Variants in WDPCP observed in about 807,000 individuals in gnomAD.
WDPCP encodes WD repeat-containing and planar cell polarity effector protein fritz homolog.
WDPCP carries 71 observed loss-of-function variants against 93.1 expected under a neutral mutation model. That is an observed-to-expected ratio of 0.76 (90% CI 0.63 to 0.93). The LOEUF is 0.93. Ranked by LOEUF, WDPCP falls within the 40% of genes least tolerant of loss-of-function variation. WDPCP has a pLI of 0.00. For missense variants in WDPCP, 844 were observed against 887.4 expected, an observed-to-expected ratio of 0.95 and a Z score of 0.62; for synonymous variants, 315 against 315.0, an observed-to-expected ratio of 1.00 and a Z score of 0.00.
At chr2:63,552,273 CTCTTT>C (rs1397990794) in intron 1 of WDPCP, among the ~76,000 whole-genome samples, 3 of 151,038 alleles carry the variant, frequency 2.0e-5, no homozygotes, top group South Asian at 4.2e-4. Context: ...TCTATTCTTT[CTCTTT>C]TATGTTGTTT....
At chr2:63,327,122 G>A (rs971151409) in intron 12 of WDPCP, among the ~76,000 whole-genome samples, 17 of 152,166 alleles carry the variant, frequency 1.1e-4, no homozygotes, top group African/African-American at 4.8e-5. Flanking sequence ...ACAATAGATG[G>A]TTCCTCCCAG....
chr2:63,585,587 A>T (rs948729738), intron 1 of WDPCP, among the ~76,000 whole-genome samples: 2 of 152,138 alleles, frequency 1.3e-5, no homozygotes, highest in African/African-American at 4.8e-5. Context: ...GGTAAAGTAC[A>T]TATTTCTAAA....
intron 10 of WDPCP, among the ~76,000 whole-genome samples, chr2:63,399,578 TGA>T (rs3835750): frequency 2.1e-4 from 23 of 108,582 alleles, no homozygotes; most frequent in Non-Finnish European, 2.7e-4. Flanking sequence ...AAGGAGAGAT[TGA>T]GAGAGAGAGA....
intron 2 of WDPCP, among the ~76,000 whole-genome samples, chr2:63,653,889 A>G (rs1007242417): frequency 3.4e-5 from 5 of 146,886 alleles, no homozygotes; most frequent in Non-Finnish European, 7.4e-5. Context: ...CAGCCTGTGC[A>G]ACAGAGCAAG....
At chr2:63,595,816 C>A (rs572967207) in intron 3 of WDPCP, among the ~76,000 whole-genome samples, 1 of 151,926 alleles carries the variant, frequency 6.6e-6, no homozygotes, top group Non-Finnish European at 1.5e-5. Flanking sequence ...AAATTGTCTA[C>A]ACACACACAC....
Position 63,345,438 on chromosome 2 carries a change from C to T in WDPCP, c.1749-32127G>A, listed in dbSNP as rs188912644. Among the ~76,000 whole-genome samples the T allele has an allele frequency of 1.4e-4, 21 of 152,272 alleles. No individual in the cohort carries two copies. In the East Asian group the frequency reaches 4.1e-3, roughly 29 times the overall value. ...TGGCAGGACACAGATAGGCAAGTCT[C>T]ACTAAGTCAGTGGAATTTGCTGATT... On this transcript the variant is annotated intron_variant, in intron 12 of 17. Transcript: ENST00000272321.
At chr2:63,344,897 C>A (rs1007528783) in intron 12 of WDPCP, among the ~76,000 whole-genome samples, 2 of 152,180 alleles carry the variant, frequency 1.3e-5, no homozygotes, top group Non-Finnish European at 2.9e-5. Context: ...ACACTGGGAA[C>A]TGGGGGTGAT....
At chr2:63,423,900 G>C (rs1696053877) in intron 9 of WDPCP, among the ~76,000 whole-genome samples, 1 of 152,158 alleles carries the variant, frequency 6.6e-6, no homozygotes. Context: ...ACCACTGAGA[G>C]AGACGAAAAT....
chr2:63,296,290 T>A (rs1016512758), intron 13 of WDPCP, among the ~76,000 whole-genome samples: 15 of 150,102 alleles, frequency 1.0e-4, no homozygotes. Context: ...TGAGGGAACA[T>A]ACTTCAAAAT....
At chr2:63,452,623 C>A (rs1228510748) in intron 6 of WDPCP, among the ~76,000 whole-genome samples, 3 of 152,176 alleles carry the variant, frequency 2.0e-5, no homozygotes, top group African/African-American at 7.2e-5. Context: ...AAAAAACAGC[C>A]TGCATTGCCA....
intron 12 of WDPCP, among the ~76,000 whole-genome samples, chr2:63,318,832 G>T (rs532975862): frequency 6.6e-6 from 1 of 152,248 alleles, no homozygotes; most frequent in South Asian, 2.1e-4. Context: ...TAGTAGCATA[G>T]TTATTCTGGG....
chr2:63,237,844 G>T (rs1328130429), intron 14 of WDPCP, among the ~76,000 whole-genome samples: 1 of 152,178 alleles, frequency 6.6e-6, no homozygotes, highest in South Asian at 2.1e-4. Flanking sequence ...GAGGGAAAGA[G>T]AGGGGCAAGG....
chr2:63,133,921 A>G (rs933694756), intron 17 of WDPCP, among the ~76,000 whole-genome samples: 1 of 152,162 alleles, frequency 6.6e-6, no homozygotes, highest in Non-Finnish European at 1.5e-5. Flanking sequence ...TTGATTGTTT[A>G]CTTGGTTTCT....
intron 14 of WDPCP, among the ~76,000 whole-genome samples, chr2:63,203,401 T>C (rs1484891011): frequency 6.6e-6 from 1 of 152,160 alleles, no homozygotes; most frequent in Non-Finnish European, 1.5e-5. Flanking sequence ...AAATACTATG[T>C]CTTATTCATT....
chr2:63,373,776 TC>T (rs1691611806), intron 12 of WDPCP, among the ~76,000 whole-genome samples: 1 of 152,068 alleles, frequency 6.6e-6, no homozygotes, highest in African/African-American at 2.4e-5. Context: ...TCCAACATTT[TC>T]CCTCTCCTTC....
chr2:63,449,371 AC>A lies in WDPCP; in HGVS notation c.385-9501del, dbSNP rs1171861974. Among the ~76,000 whole-genome samples, 7 of 152,016 alleles carry A rather than the reference AC, an allele frequency of 4.6e-5. No homozygotes were observed. The East Asian group carries it at 5.8e-4, about 13-fold the overall frequency. On this transcript the variant is annotated intron_variant, in intron 6 of 17. Transcript: ENST00000272321. ...ATATGGCTGATTAGAGACATCAGAT[AC>A]CCCCCCACTTTCCAGAAAGAAGGAC...
intron 1 of WDPCP, among the ~76,000 whole-genome samples, chr2:63,513,109 C>T (rs1315206091): frequency 6.6e-6 from 1 of 151,942 alleles, no homozygotes; most frequent in East Asian, 1.9e-4. Context: ...AGGCCTGAGG[C>T]TTCTGAACTT....
At chr2:63,616,330 GT>G (rs376806394) in intron 3 of WDPCP, among the ~76,000 whole-genome samples, 32 of 152,242 alleles carry the variant, frequency 2.1e-4, no homozygotes, top group African/African-American at 6.5e-4. Flanking sequence ...AACTCCTCCT[GT>G]TTTAGGAAAG....
At chr2:63,536,332 C>A (rs1169047918) in intron 1 of WDPCP, among the ~76,000 whole-genome samples, 1 of 152,194 alleles carries the variant, frequency 6.6e-6, no homozygotes, top group African/African-American at 2.4e-5. Flanking sequence ...ACTAGAAATA[C>A]CATTTGACCC....
Sources: allele counts gnomAD v4.1 joint callset (sites outside exome capture counted in the v4.1 genomes callset), GRCh38; gene constraint gnomAD v4.1.1; transcripts MANE v1.5; gene names NCBI Gene and HGNC (gene_info 2026-07-23, HGNC 2026-07-21).